HDAC4: variants seen among roughly 807,000 people sequenced by gnomAD.
HDAC4 encodes the protein histone deacetylase A.
A neutral mutation model predicts 135.1 loss-of-function variants in HDAC4; 16 were observed. That is an observed-to-expected ratio of 0.12 (90% CI 0.08 to 0.18). The LOEUF is 0.18. Ranked by LOEUF, HDAC4 falls within the 10% of genes least tolerant of loss-of-function variation. The probability of loss-of-function intolerance (pLI) is 1.00; values close to 1 mark genes in which losing one functional copy is unlikely to be tolerated. For missense variants in HDAC4, 1,143 were observed against 1,511.8 expected (o/e 0.76, Z 4.05); for synonymous variants, 685 against 653.4 (o/e 1.05, Z -0.74).
chr2:239,318,202 C>A (rs1482234215), intron 2 of HDAC4, among the ~76,000 whole-genome samples: 1 of 152,202 alleles, frequency 6.6e-6, no homozygotes, highest in African/African-American at 2.4e-5. Flanking sequence ...AATGTAACTT[C>A]ACAGTGGAAA....
At chr2:239,150,190 TACAG>T (rs960916304) in intron 7 of HDAC4, among the ~76,000 whole-genome samples, 2 of 151,972 alleles carry the variant, frequency 1.3e-5, no homozygotes, top group African/African-American at 4.8e-5. Flanking sequence ...CTCAGATACA[TACAG>T]AAACACAGGT....
At position 239,090,131 on chromosome 2, in the gene HDAC4, C is replaced by G. The variant is rs963158317; in HGVS notation, c.2281-15G>C. 6.3e-7 allele frequency: 1 copy of G among 1,582,902 alleles called. No individual in the cohort carries two copies. Among genetic ancestry groups the G allele is most frequent in the African/African-American group, 1.3e-5 (1 of 74,396 alleles). The stretch of plus-strand genomic sequence containing the variant: ...TCACTGTCCACCTGTGGAAACAACA[C>G]CCCACAGTGAGGTCACCCTCCCAGG... On this transcript the variant is annotated splice_polypyrimidine_tract_variant and intron_variant, in intron 17 of 26. Transcript: ENST00000543185.
intron 2 of HDAC4, among the ~76,000 whole-genome samples, chr2:239,332,248 T>C (rs538955081): frequency 1.3e-5 from 2 of 152,336 alleles, no homozygotes; most frequent in South Asian, 4.1e-4. Flanking sequence ...AATGATTAAT[T>C]TGATTAAATG....
chr2:239,178,279 G>A (rs554997887), intron 4 of HDAC4, among the ~76,000 whole-genome samples: 10 of 152,312 alleles, frequency 6.6e-5, no homozygotes, highest in Non-Finnish European at 1.5e-4. Flanking sequence ...CCAGTGTCTT[G>A]TTTATTTTAG....
chr2:239,102,598 G>GT, intron 16 of HDAC4, 178 bp downstream of exon 16: 1 of 664,512 alleles, frequency 1.5e-6, no homozygotes, highest in South Asian at 1.9e-5. Context: ...TACCTGGCAC[G>GT]TTCATCAACA....
chr2:239,271,657 G>T (rs1439605330), intron 2 of HDAC4, among the ~76,000 whole-genome samples: 3 of 152,196 alleles, frequency 2.0e-5, no homozygotes, highest in African/African-American at 7.2e-5. Context: ...ACAAAGCCTG[G>T]GTGGCTGAGG....
intron 2 of HDAC4, among the ~76,000 whole-genome samples, chr2:239,350,791 T>C (rs62182140): frequency 0.12 from 18,868 of 152,256 alleles, 1,252 homozygotes; most frequent in Non-Finnish European, 0.14. Context: ...TGTGGGCCTC[T>C]GCGCCCGGCC....
At chr2:239,075,223 CAAAAAAAAAA>C (rs67188784) in intron 22 of HDAC4, among the ~76,000 whole-genome samples, 12 of 31,748 alleles carry the variant, frequency 3.8e-4, no homozygotes, top group Non-Finnish European at 6.0e-4. Context: ...GACTCCGTCT[CAAAAAAAAAA>C]AAAAAAAAAA....
chr2:239,266,058 G>A (rs1474603129), intron 2 of HDAC4, among the ~76,000 whole-genome samples: 1 of 152,220 alleles, frequency 6.6e-6, no homozygotes, highest in African/African-American at 2.4e-5. Flanking sequence ...CCCTAAGCCT[G>A]CGCAGAGGCT....
In HDAC4 at chr2:239,231,895, C is replaced by T. The variant is rs897227683; in HGVS notation, c.94+4698G>A. Among the ~76,000 whole-genome samples, 8 of 146,856 alleles carry T rather than the reference C, an allele frequency of 5.4e-5. No homozygotes were observed. The East Asian group carries it at 1.4e-3, about 26-fold the overall frequency. On this transcript the variant is annotated intron_variant, in intron 3 of 26. Transcript: ENST00000543185. ...ACCGAGGTTGCTGAGCACCTGCTCC[C>T]GGATGCCTGAGGTAGGTGTCCTCCC... is the stretch of plus-strand genomic sequence containing the variant.
chr2:239,085,052 A>G (rs1242078719), intron 19 of HDAC4, among the ~76,000 whole-genome samples: 1 of 150,080 alleles, frequency 6.7e-6, no homozygotes, highest in Non-Finnish European at 1.5e-5. Flanking sequence ...ACACACACAC[A>G]CACACACACA....
intron 8 of HDAC4, chr2:239,140,823 G>A (rs759276561): frequency 7.4e-5 from 28 of 376,638 alleles, no homozygotes; most frequent in Non-Finnish European, 1.4e-4. Context: ...TCTGCTTGCT[G>A]CCCGCGTCCT....
chr2:239,179,691 G>A (rs2044015068), intron 4 of HDAC4, among the ~76,000 whole-genome samples: 1 of 152,232 alleles, frequency 6.6e-6, no homozygotes. Context: ...AAAAGTGGCT[G>A]AGGGGTAGGA....
At chr2:239,198,539 C>G (rs1231611314) in intron 3 of HDAC4, among the ~76,000 whole-genome samples, 1 of 152,214 alleles carries the variant, frequency 6.6e-6, no homozygotes, top group Non-Finnish European at 1.5e-5. Flanking sequence ...CCTCAGCTTG[C>G]TCCTGTCCCC....
chr2:239,112,689 C>T (rs921498524), intron 13 of HDAC4, among the ~76,000 whole-genome samples: 23 of 152,200 alleles, frequency 1.5e-4, no homozygotes, highest in African/African-American at 5.6e-4. Context: ...CCAAGCCTCT[C>T]CCCAGACAGC....
intron 2 of HDAC4, among the ~76,000 whole-genome samples, chr2:239,269,890 G>C (rs2049964761): frequency 6.6e-6 from 1 of 152,214 alleles, no homozygotes; most frequent in Admixed American, 6.5e-5. Flanking sequence ...CCCAAGGCTG[G>C]CTCGGATCTC....
At chr2:239,091,875 A>C (rs1559409187) in intron 17 of HDAC4, 2 of 149,358 alleles carry the variant, frequency 1.3e-5, no homozygotes, top group South Asian at 2.1e-4. Context: ...CCTGGCTAAC[A>C]CGGTGAAACC....
chr2:239,062,814 T>C (rs2032951972), intron 24 of HDAC4, among the ~76,000 whole-genome samples: 3 of 152,238 alleles, frequency 2.0e-5, no homozygotes, highest in South Asian at 4.1e-4. Flanking sequence ...TTTGATCTAC[T>C]TGTGATTTAT....
At chr2:239,267,645 T>G (rs2049819264) in intron 2 of HDAC4, among the ~76,000 whole-genome samples, 1 of 152,254 alleles carries the variant, frequency 6.6e-6, no homozygotes, top group Non-Finnish European at 1.5e-5. Flanking sequence ...AAGGCAGACC[T>G]GGAGGGCTCC....
Sources: gnomAD v4.1 joint callset for allele counts (sites outside exome capture counted in the v4.1 genomes callset) on GRCh38, gnomAD v4.1.1 for gene constraint, MANE v1.5 for transcripts, NCBI Gene and HGNC (gene_info 2026-07-23, HGNC 2026-07-21) for gene names.